The following STPG2 variants were observed in gnomAD, a reference collection of about 807,000 sequenced individuals.
STPG2 encodes the protein sperm-tail PG-rich repeat-containing protein 2.
A neutral mutation model predicts 54.2 loss-of-function variants in STPG2; 56 were observed. That is an observed-to-expected ratio of 1.03 (90% confidence interval 0.83 to 1.29). The LOEUF is 1.29. Among genes scored for constraint, STPG2 ranks in the 50% most tolerant of loss-of-function variants. STPG2 has a pLI of 0.00. For synonymous variants in STPG2, 200 were observed against 181.8 expected, an observed-to-expected ratio of 1.10 and a Z score of -0.81; for missense variants, 596 against 544.9, an observed-to-expected ratio of 1.09 and a Z score of -0.93.
At chr4:97,758,281 G>A (rs1331501342) in intron 9 of STPG2, among the ~76,000 whole-genome samples, 1 of 152,098 alleles carries the variant, frequency 6.6e-6, no homozygotes, top group East Asian at 1.9e-4. Flanking sequence ...TAAAATAACA[G>A]ACATTTATAA....
intron 5 of STPG2, among the ~76,000 whole-genome samples, chr4:98,102,078 G>A (rs943028061): frequency 2.0e-5 from 3 of 152,010 alleles, no homozygotes; most frequent in African/African-American, 7.2e-5. Context: ...TCTTCCACCT[G>A]CAACTATTTT....
chr4:98,038,343 G>C (rs2149305140), intron 5 of STPG2, among the ~76,000 whole-genome samples: 1 of 152,210 alleles, frequency 6.6e-6, no homozygotes, highest in South Asian at 2.1e-4. Flanking sequence ...GTTAAAAATA[G>C]TGTGGTATTG....
At chr4:97,642,121 G>T (rs1410953926) in intron 10 of STPG2, among the ~76,000 whole-genome samples, 2 of 151,302 alleles carry the variant, frequency 1.3e-5, no homozygotes, top group Admixed American at 6.6e-5. Flanking sequence ...AACATAAACA[G>T]ATCCAAAGAA....
chr4:97,568,560 C>A (rs1732514931), intron 10 of STPG2, among the ~76,000 whole-genome samples: 1 of 151,984 alleles, frequency 6.6e-6, no homozygotes, highest in Non-Finnish European at 1.5e-5. Flanking sequence ...ACTGCAGTAG[C>A]AATGAGCACA....
chr4:98,048,429 T>C (rs575107699), intron 5 of STPG2: 1 of 152,398 alleles, frequency 6.6e-6, no homozygotes, highest in Admixed American at 6.5e-5. Context: ...GGCTTTTTGA[T>C]GCAGAAAACA....
intron 1 of STPG2, among the ~76,000 whole-genome samples, chr4:98,136,607 A>G (rs1266697575): frequency 2.0e-5 from 3 of 151,778 alleles, no homozygotes; most frequent in Non-Finnish European, 3.0e-5. Flanking sequence ...TTGAATCATC[A>G]TAAGTAAAGG....
At chr4:97,735,094 A>C (rs1376002714) in intron 9 of STPG2, among the ~76,000 whole-genome samples, 1 of 151,740 alleles carries the variant, frequency 6.6e-6, no homozygotes, top group East Asian at 1.9e-4. Flanking sequence ...AAGTTTCTGC[A>C]CAACAAAGGA....
chr4:98,084,867 T>C (rs1738459151), intron 5 of STPG2, among the ~76,000 whole-genome samples: 1 of 152,160 alleles, frequency 6.6e-6, no homozygotes, highest in South Asian at 2.1e-4. Context: ...TTTTGTCAGA[T>C]AGATATGTTG....
chr4:97,749,531 T>G (rs1725518131), intron 9 of STPG2, among the ~76,000 whole-genome samples: 1 of 151,774 alleles, frequency 6.6e-6, no homozygotes, highest in Non-Finnish European at 1.5e-5. Flanking sequence ...TAAGTGAATA[T>G]ACTTTATTAT....
chr4:98,093,694 T>C (rs912444038), intron 5 of STPG2, among the ~76,000 whole-genome samples: 2 of 152,096 alleles, frequency 1.3e-5, no homozygotes, highest in Non-Finnish European at 2.9e-5. Flanking sequence ...TCCTTCCCCA[T>C]CCCCCAACTG....
At chr4:97,556,902 G>A (rs1323640333), downstream of STPG2, among the ~76,000 whole-genome samples, 7 of 152,156 alleles carry the variant, frequency 4.6e-5, no homozygotes, top group Admixed American at 4.6e-4. Flanking sequence ...AAATAACCCT[G>A]GCCAGGCCTG....
chr4:98,120,071 TTTTTTG>T (rs143047805), intron 3 of STPG2, among the ~76,000 whole-genome samples: 15 of 152,144 alleles, frequency 9.9e-5, no homozygotes, highest in Admixed American at 2.6e-4. Context: ...TTCATGCATT[TTTTTTG>T]TTTTTGTTTT....
intron 10 of STPG2, among the ~76,000 whole-genome samples, chr4:97,639,806 C>A (rs1721703365): frequency 6.6e-6 from 1 of 151,506 alleles, no homozygotes; most frequent in African/African-American, 2.4e-5. Context: ...CCAAAAGGAA[C>A]CATTTGGGAA....
At chr4:97,587,505 C>T (rs779443731) in intron 10 of STPG2, among the ~76,000 whole-genome samples, 17 of 151,944 alleles carry the variant, frequency 1.1e-4, no homozygotes, top group Non-Finnish European at 2.1e-4. Context: ...TAAGAACCTT[C>T]AAGTTTGATA....
chr4:97,459,913 C>G (rs1457490545), intron 4 of STPG2, among the ~76,000 whole-genome samples: 1 of 152,144 alleles, frequency 6.6e-6, no homozygotes, highest in African/African-American at 2.4e-5. Context: ...TCTGTTTCCT[C>G]TCTGTCAGTC....
At chr4:98,092,454 G>C (rs1738720866) in intron 5 of STPG2, among the ~76,000 whole-genome samples, 1 of 151,880 alleles carries the variant, frequency 6.6e-6, no homozygotes, top group African/African-American at 2.4e-5. Context: ...ATTGCCAAGT[G>C]CCTGTTATAA....
chr4:97,924,399 C>T lies in STPG2; in HGVS notation c.1044+19498G>A, dbSNP rs575768003. On this transcript the variant is annotated intron_variant, in intron 8 of 10. Transcript: ENST00000295268. Reference sequence around the variant, plus strand: ...GTAATACAATAGGACTTTTGTCTGCCCCTAAAAACTCCCAATGGGAAGGTC... The same window carrying T: ...GTAATACAATAGGACTTTTGTCTGCTCCTAAAAACTCCCAATGGGAAGGTC... 7.2e-5 allele frequency among the ~76,000 whole-genome samples: 11 copies of T among 152,256 alleles called. No homozygotes were observed. The South Asian group carries it at 2.3e-3, about 32-fold the overall frequency.
In STPG2 at chr4:98,021,325, G is replaced by A. The variant is rs574151530; in HGVS notation, c.613-40007C>T. ...TTGTTCAGTTTCCATGTAGTTGAGC[G>A]GTTTTGAGTGAGTTTCTTAATCCTG... On this transcript the variant is annotated intron_variant, in intron 5 of 10. Coordinates refer to ENST00000295268, the MANE Select transcript of STPG2 (RefSeq NM_174952.3). Among the ~76,000 whole-genome samples, 29 of 132,230 alleles carry A rather than the reference G, an allele frequency of 2.2e-4. 1 individual carries two copies. Among genetic ancestry groups the A allele is most frequent in the South Asian group, 1.5e-3 (6 of 3,922 alleles). 86.7% of individuals were successfully genotyped at this position (132,230 alleles called of 152,430 possible). A position where few individuals can be genotyped will look rare whatever the true frequency, so the allele number is the denominator to read the frequency against.
chr4:97,741,529 C>T (rs1725234342), intron 9 of STPG2, among the ~76,000 whole-genome samples: 1 of 151,976 alleles, frequency 6.6e-6, no homozygotes, highest in South Asian at 2.1e-4. Flanking sequence ...AAAAAACAAA[C>T]AACCCCATCA....
Sources: allele counts gnomAD v4.1 joint callset (sites outside exome capture counted in the v4.1 genomes callset), GRCh38; gene constraint gnomAD v4.1.1; transcripts MANE v1.5; gene names NCBI Gene and HGNC (gene_info 2026-07-23, HGNC 2026-07-21).